The following RIT2 variants were observed in gnomAD, a reference collection of about 807,000 sequenced individuals.
The protein encoded by RIT2 is Ras like without CAAX 2.
Under a neutral mutation model 23.7 loss-of-function variants are expected in RIT2, and 24 were observed. The ratio of observed to expected loss-of-function variants is 1.01; its 90% CI spans 0.73 to 1.43. The LOEUF is 1.43. Among genes scored for constraint, RIT2 ranks in the 40% most tolerant of loss-of-function variants. The pLI is 0.00. For synonymous variants in RIT2, 107 were observed against 91.1 expected (o/e 1.17, Z -0.99); for missense variants, 236 against 266.9 (o/e 0.88, Z 0.81).
intron 4 of RIT2, among the ~76,000 whole-genome samples, chr18:42,845,349 C>T (rs1460091004): frequency 2.0e-5 from 3 of 151,022 alleles, no homozygotes; most frequent in Non-Finnish European, 4.4e-5. Context: ...GAAGACAGTC[C>T]AAATATATAG....
intron 4 of RIT2, among the ~76,000 whole-genome samples, chr18:42,806,561 T>C (rs1408674046): frequency 6.6e-6 from 1 of 152,186 alleles, no homozygotes; most frequent in African/African-American, 2.4e-5. Flanking sequence ...TAAATGCAAC[T>C]TGTGGCACTG....
chr18:43,079,924 G>T (rs1158031456), intron 1 of RIT2, among the ~76,000 whole-genome samples: 3 of 152,176 alleles, frequency 2.0e-5, no homozygotes, highest in Non-Finnish European at 4.4e-5. Flanking sequence ...ACCTACCTGG[G>T]TTCTGCCACA....
At position 43,081,487 on chromosome 18, in the gene RIT2, G is replaced by A. The variant is rs975051335; in HGVS notation, c.103+33930C>T. 3.3e-5 allele frequency among the ~76,000 whole-genome samples: 5 copies of A among 152,066 alleles called. No homozygotes were observed. The East Asian group carries it at 9.7e-4, about 29-fold the overall frequency. ...AGAAATTTAGGGACAGAGAGATTTGGTAACTTCATTGTCATGCTGCTGCTA... is the reference window on the plus strand; with the variant it reads ...AGAAATTTAGGGACAGAGAGATTTGATAACTTCATTGTCATGCTGCTGCTA... On this transcript the variant is annotated intron_variant, in intron 1 of 4. Transcript: ENST00000326695.
At chr18:43,039,673 T>A (rs1396673580) in intron 1 of RIT2, among the ~76,000 whole-genome samples, 1 of 152,102 alleles carries the variant, frequency 6.6e-6, no homozygotes, top group Admixed American at 6.6e-5. Flanking sequence ...TACTTAGAGG[T>A]AATTTGACAT....
At chr18:42,932,711 T>A (rs1909356448) in intron 3 of RIT2, among the ~76,000 whole-genome samples, 1 of 152,126 alleles carries the variant, frequency 6.6e-6, no homozygotes, top group South Asian at 2.1e-4. Context: ...AGTGATGATA[T>A]CATTTTCTCA....
chr18:42,940,026 A>G (rs1909557100), intron 3 of RIT2, among the ~76,000 whole-genome samples: 5 of 151,834 alleles, frequency 3.3e-5, no homozygotes, highest in Admixed American at 3.3e-4. Flanking sequence ...CACTCTGAAA[A>G]GAAGCCAACA....
chr18:42,805,174 TAAC>T (rs1036629471), intron 4 of RIT2, among the ~76,000 whole-genome samples: 42 of 152,320 alleles, frequency 2.8e-4, no homozygotes, highest in African/African-American at 9.6e-4. Flanking sequence ...CATGTTAAAA[TAAC>T]AATTATGAAT....
At chr18:42,888,950 G>T (rs189517108) in intron 4 of RIT2, among the ~76,000 whole-genome samples, 33 of 151,994 alleles carry the variant, frequency 2.2e-4, no homozygotes, top group Middle Eastern at 3.4e-3. Context: ...CTACCTACTG[G>T]GTACTATGCT....
chr18:42,793,910 C>G (rs1914096989), intron 4 of RIT2, among the ~76,000 whole-genome samples: 1 of 152,124 alleles, frequency 6.6e-6, no homozygotes, highest in Admixed American at 6.5e-5. Context: ...TTTCTTTCCA[C>G]ATTTTCTGGG....
chr18:43,002,757 A>T (rs1490361694), intron 2 of RIT2, among the ~76,000 whole-genome samples: 1 of 151,986 alleles, frequency 6.6e-6, no homozygotes, highest in Non-Finnish European at 1.5e-5. Context: ...AAAGATGACT[A>T]AGTCTTAATC....
intron 4 of RIT2, among the ~76,000 whole-genome samples, chr18:42,751,725 T>C (rs1913050780): frequency 6.6e-6 from 1 of 152,010 alleles, no homozygotes; most frequent in Non-Finnish European, 1.5e-5. Context: ...ATTATCAAAA[T>C]ATTAATTCTG....
chr18:42,891,468 T>C (rs1908173573), intron 4 of RIT2, among the ~76,000 whole-genome samples: 1 of 152,162 alleles, frequency 6.6e-6, no homozygotes, highest in Non-Finnish European at 1.5e-5. Context: ...CATAGATTCA[T>C]GGTTGCCAGA....
At chr18:42,856,923 A>G (rs1280586301) in intron 4 of RIT2, among the ~76,000 whole-genome samples, 1 of 137,950 alleles carries the variant, frequency 7.2e-6, no homozygotes, top group African/African-American at 2.8e-5. Flanking sequence ...TCCGCCTCCC[A>G]GTTCACGCTG....
At chr18:43,047,912 A>G (rs567788644) in intron 1 of RIT2, among the ~76,000 whole-genome samples, 72 of 152,284 alleles carry the variant, frequency 4.7e-4, no homozygotes, top group African/African-American at 1.7e-3. Flanking sequence ...CCCATCATGG[A>G]GTGGAGGCTG....
intron 2 of RIT2, among the ~76,000 whole-genome samples, chr18:43,026,876 C>T (rs1911745249): frequency 6.6e-6 from 1 of 151,806 alleles, no homozygotes; most frequent in Non-Finnish European, 1.5e-5. Flanking sequence ...ACACTGAAGA[C>T]AATCACCAAT....
chr18:42,760,759 C>T (rs16976780), intron 4 of RIT2, among the ~76,000 whole-genome samples: 1 of 152,260 alleles, frequency 6.6e-6, no homozygotes, highest in East Asian at 1.9e-4. Flanking sequence ...CCATTTGCTT[C>T]TTATGCACTA....
At chr18:42,906,295 T>C (rs1486647509) in intron 4 of RIT2, among the ~76,000 whole-genome samples, 1 of 151,980 alleles carries the variant, frequency 6.6e-6, no homozygotes, top group African/African-American at 2.4e-5. Context: ...CTTCTCAAAG[T>C]AAAAAATCAA....
rs573447659 is a variant in RIT2 at position 42,850,448 on chromosome 18, T to C, written c.426+73124A>G. 4.6e-5 allele frequency among the ~76,000 whole-genome samples: 7 copies of C among 152,262 alleles called. No individual in the cohort carries two copies. The South Asian group carries it at 1.5e-3, about 32-fold the overall frequency. ...CATAAATCTGGTGGCAGACCACATTTGATGATGACTGTGTTAATAGCCTTT... is the reference window on the plus strand; with the variant it reads ...CATAAATCTGGTGGCAGACCACATTCGATGATGACTGTGTTAATAGCCTTT... On this transcript the variant is annotated intron_variant, in intron 4 of 4. Transcript: ENST00000326695.
intron 4 of RIT2, among the ~76,000 whole-genome samples, chr18:42,889,078 T>C (rs1265234058): frequency 6.6e-6 from 1 of 152,144 alleles, no homozygotes; most frequent in African/African-American, 2.4e-5. Context: ...TGTTGGATTT[T>C]TTTTTAATTT....
Sources: gnomAD v4.1 joint callset for allele counts (sites outside exome capture counted in the v4.1 genomes callset) on GRCh38, gnomAD v4.1.1 for gene constraint, MANE v1.5 for transcripts, NCBI Gene and HGNC (gene_info 2026-07-23, HGNC 2026-07-21) for gene names.